Variants in CDH1 observed in about 807,000 individuals in gnomAD.
The protein encoded by CDH1 is cadherin-1.
CDH1 carries 35 observed loss-of-function variants against 84.5 expected under a neutral mutation model. The observed-to-expected ratio is 0.41, with a 90% CI of 0.32 to 0.55. The LOEUF is 0.55. Ranked by LOEUF, CDH1 falls within the 20% of genes least tolerant of loss-of-function variation. The pLI is 0.19. For synonymous variants in CDH1, 417 were observed against 439.0 expected (o/e 0.95, Z 0.63); for missense variants, 994 against 1,126.6 (o/e 0.88, Z 1.68).
intron 2 of CDH1, among the ~76,000 whole-genome samples, chr16:68,790,951 G>T (rs954736598): frequency 1.3e-5 from 2 of 152,186 alleles, no homozygotes; most frequent in Admixed American, 6.6e-5. Flanking sequence ...TTAAAACTAA[G>T]TTCCCTTCTG....
Position 68,811,356 on chromosome 16 carries a change from A to G in CDH1, c.833-328A>G, listed in dbSNP as rs149813727. On this transcript the variant is annotated intron_variant, in intron 6 of 15. Coordinates refer to ENST00000261769, the MANE Select transcript of CDH1 (RefSeq NM_004360.5). ...AGATTGTGGTGAGCCGAATCACGCC[A>G]TTGCATTCCAGCCTGGGCAACAGGA... Among the ~76,000 whole-genome samples the G allele has an allele frequency of 7.2e-4, 103 of 143,670 alleles. No homozygotes were observed. The East Asian group carries it at 0.012, about 17-fold the overall frequency. 94.3% of individuals were successfully genotyped at this position (143,670 alleles called of 152,430 possible).
chr16:68,754,002 C>T (rs1000033418), intron 2 of CDH1, among the ~76,000 whole-genome samples: 1 of 151,676 alleles, frequency 6.6e-6, no homozygotes, highest in African/African-American at 2.4e-5. Context: ...GCCTATAGTC[C>T]CAGCTACTTG....
chr16:68,834,515 C>A lies in CDH1; in HGVS notation c.*1016C>A. On this transcript the variant is annotated 3_prime_UTR_variant, in exon 16 of 16. Transcript: ENST00000261769. ...TGTGGGCATGAGCTGCTGTGCCCAG[C>A]CTCCATGTTTTAATATCAACTCTCA... 7.4e-6 allele frequency: 2 copies of A among 270,076 alleles called. No homozygotes were observed. Among genetic ancestry groups the A allele is most frequent in the East Asian group, 6.1e-5 (1 of 16,452 alleles). The allele number at this position is 270,076 out of a possible 1,614,324, so 16.7% of individuals were successfully genotyped here.
At chr16:68,762,087 C>A (rs1959235242) in intron 2 of CDH1, among the ~76,000 whole-genome samples, 1 of 152,198 alleles carries the variant, frequency 6.6e-6, no homozygotes, top group African/African-American at 2.4e-5. Flanking sequence ...CTGGGCCTCC[C>A]CTGGGCTTCT....
chr16:68,782,736 G>T (rs1469667059), intron 2 of CDH1, among the ~76,000 whole-genome samples: 2 of 152,096 alleles, frequency 1.3e-5, no homozygotes, highest in Non-Finnish European at 2.9e-5. Flanking sequence ...CCGATCCTTC[G>T]CAAAGGAGTC....
chr16:68,788,873 C>T (rs192286948), intron 2 of CDH1, among the ~76,000 whole-genome samples: 22 of 152,170 alleles, frequency 1.4e-4, no homozygotes, highest in African/African-American at 4.8e-4. Context: ...GGTATGGTGG[C>T]GGGCACCTGT....
chr16:68,784,320 G>A (rs563932505), intron 2 of CDH1, among the ~76,000 whole-genome samples: 75 of 152,110 alleles, frequency 4.9e-4, no homozygotes, highest in African/African-American at 1.7e-3. Flanking sequence ...ATGATAAAAC[G>A]AACCCAGAAA....
chr16:68,767,225 C>T (rs563600395), intron 2 of CDH1, among the ~76,000 whole-genome samples: 87 of 151,942 alleles, frequency 5.7e-4, no homozygotes, highest in Non-Finnish European at 6.2e-4. Context: ...GAGACAGTCT[C>T]GCTCTGTTGG....
intron 2 of CDH1, among the ~76,000 whole-genome samples, chr16:68,794,546 G>T (rs1960302783): frequency 2.0e-5 from 3 of 151,832 alleles, no homozygotes; most frequent in African/African-American, 7.3e-5. Context: ...TAGAGATGGG[G>T]TCTTACTTTG....
At chr16:68,759,085 C>T (rs1963092485) in intron 2 of CDH1, among the ~76,000 whole-genome samples, 1 of 152,118 alleles carries the variant, frequency 6.6e-6, no homozygotes, top group Admixed American at 6.5e-5. Flanking sequence ...TGTGAGCCAC[C>T]GTGCCCAGCT....
chr16:68,783,775 C>A (rs1959955931), intron 2 of CDH1, among the ~76,000 whole-genome samples: 1 of 152,100 alleles, frequency 6.6e-6, no homozygotes, highest in Non-Finnish European at 1.5e-5. Context: ...CTCCCGGGTT[C>A]AAGCAATTCT....
chr16:68,818,974 C>A (rs1236388000), intron 10 of CDH1, among the ~76,000 whole-genome samples: 1 of 152,004 alleles, frequency 6.6e-6, no homozygotes, highest in Non-Finnish European at 1.5e-5. Context: ...TCCTGCCTCA[C>A]CCTCCCCAGT....
intron 9 of CDH1, among the ~76,000 whole-genome samples, chr16:68,815,272 C>T (rs1266299240): frequency 6.6e-5 from 10 of 151,886 alleles, no homozygotes; most frequent in Non-Finnish European, 4.4e-5. Context: ...GAGTGAATTG[C>T]TTGTTGAAGT....
chr16:68,737,363 G>GGCCGA lies in CDH1; in HGVS notation c.-53_-52insGCCGA. 6.7e-7 allele frequency: 1 copy of GGCCGA among 1,491,050 alleles called. No individual in the cohort carries two copies. Among genetic ancestry groups the GGCCGA allele is most frequent in the Non-Finnish European group, 9.0e-7 (1 of 1,112,104 alleles). 92.4% of individuals were successfully genotyped at this position (1,491,050 alleles called of 1,614,324 possible). ...TCAGACTCCAGCCCGCTCCAGCCCG[G>GGCCGA]CCCGACCCGACCGCACCCGGCGCCT... On this transcript the variant is annotated 5_prime_UTR_variant, in exon 1 of 16. Transcript: ENST00000261769.
chr16:68,756,451 G>T (rs1002827371), intron 2 of CDH1, among the ~76,000 whole-genome samples: 1 of 152,028 alleles, frequency 6.6e-6, no homozygotes, highest in Non-Finnish European at 1.5e-5. Flanking sequence ...TTGAATCAGC[G>T]GTGACATCAC....
intron 2 of CDH1, among the ~76,000 whole-genome samples, chr16:68,790,069 A>G (rs1960167433): frequency 6.6e-6 from 1 of 152,176 alleles, no homozygotes. Context: ...AAACAAAAAC[A>G]AAAACAAAAA....
At chr16:68,747,908 C>A (rs1033510737) in intron 2 of CDH1, among the ~76,000 whole-genome samples, 13 of 151,760 alleles carry the variant, frequency 8.6e-5, no homozygotes, top group African/African-American at 3.1e-4. Context: ...AGACTACAGA[C>A]ACATGCCAAC....
chr16:68,739,421 A>C (rs1962499978), intron 2 of CDH1, among the ~76,000 whole-genome samples: 2 of 151,904 alleles, frequency 1.3e-5, no homozygotes, highest in Admixed American at 1.3e-4. Flanking sequence ...CGTCTCAAAA[A>C]ATAAATAAAA....
chr16:68,773,901 A>C (rs914678480), intron 2 of CDH1, among the ~76,000 whole-genome samples: 4 of 152,212 alleles, frequency 2.6e-5, no homozygotes, highest in Admixed American at 6.6e-5. Flanking sequence ...GTAGTTAAGA[A>C]TATGCAAGAA....
Sources: allele counts gnomAD v4.1 joint callset (sites outside exome capture counted in the v4.1 genomes callset), GRCh38; gene constraint gnomAD v4.1.1; transcripts MANE v1.5; gene names NCBI Gene and HGNC (gene_info 2026-07-23, HGNC 2026-07-21).